The following BMPR1B variants were observed in gnomAD, a reference collection of about 807,000 sequenced individuals.
The protein encoded by BMPR1B is bone morphogenetic protein receptor type-1B.
A neutral mutation model predicts 59.1 loss-of-function variants in BMPR1B; 12 were observed. The ratio of observed to expected loss-of-function variants is 0.20; its 90% CI spans 0.13 to 0.33. The LOEUF is 0.33. Ranked by LOEUF, BMPR1B falls within the 10% of genes least tolerant of loss-of-function variation. BMPR1B has a pLI of 1.00. For missense variants in BMPR1B, 550 were observed against 610.9 expected, an observed-to-expected ratio of 0.90 and a Z score of 1.05; for synonymous variants, 237 against 207.3, an observed-to-expected ratio of 1.14 and a Z score of -1.23.
chr4:95,062,814 G>A (rs923173155), intron 3 of BMPR1B, among the ~76,000 whole-genome samples: 2 of 152,176 alleles, frequency 1.3e-5, no homozygotes, highest in Non-Finnish European at 2.9e-5. Context: ...ACCTTCTTTA[G>A]CAGGTAAAAT....
At chr4:95,055,801 G>A (rs1726884687) in intron 3 of BMPR1B, among the ~76,000 whole-genome samples, 1 of 152,116 alleles carries the variant, frequency 6.6e-6, no homozygotes, top group Non-Finnish European at 1.5e-5. Context: ...GTGTATAAAT[G>A]TCTGTACATA....
At chr4:94,829,623 G>C (rs1724503318) in intron 1 of BMPR1B, among the ~76,000 whole-genome samples, 1 of 152,100 alleles carries the variant, frequency 6.6e-6, no homozygotes, top group East Asian at 1.9e-4. Context: ...GCTAGGTGCT[G>C]GATGCACACC....
chr4:94,847,368 CAG>C (rs1725375028), intron 1 of BMPR1B, among the ~76,000 whole-genome samples: 1 of 152,148 alleles, frequency 6.6e-6, no homozygotes, highest in African/African-American at 2.4e-5. Flanking sequence ...CTATGGAAAA[CAG>C]TGTGAAGATT....
intron 1 of BMPR1B, among the ~76,000 whole-genome samples, chr4:94,849,460 G>A (rs1008755752): frequency 6.6e-6 from 1 of 152,230 alleles, no homozygotes; most frequent in African/African-American, 2.4e-5. Context: ...AGGAAAAAGG[G>A]AGCTGAGAAA....
chr4:94,982,304 T>TAA (rs146497250), intron 2 of BMPR1B, among the ~76,000 whole-genome samples: 21 of 151,124 alleles, frequency 1.4e-4, no homozygotes, highest in South Asian at 4.2e-4. Context: ...TGCCTTTTTT[T>TAA]AAAAAAAAAC....
At chr4:94,853,819 A>G (rs1725653310) in intron 1 of BMPR1B, among the ~76,000 whole-genome samples, 1 of 151,972 alleles carries the variant, frequency 6.6e-6, no homozygotes, top group Non-Finnish European at 1.5e-5. Context: ...ACATTTGGAA[A>G]TTTAAAAAAA....
chr4:94,983,078 T>C (rs1034156138), intron 2 of BMPR1B, among the ~76,000 whole-genome samples: 6 of 152,140 alleles, frequency 3.9e-5, no homozygotes, highest in Non-Finnish European at 7.3e-5. Context: ...CAGTTTCTTC[T>C]GCTTGGAATG....
At position 94,870,822 on chromosome 4, in the gene BMPR1B, G is replaced by C. The variant is rs371322626; in HGVS notation, c.-182-5009G>C. Among the ~76,000 whole-genome samples, 72 of 152,194 alleles carry C rather than the reference G, an allele frequency of 4.7e-4. 1 individual carries two copies. Among genetic ancestry groups the C allele is most frequent in the African/African-American group, 1.7e-3 (69 of 41,536 alleles). Reference sequence around the variant, plus strand: ...AAGATGTTACAAAGAAGGGTACCCTGCCTCAGAGTTTGGAGTTTCCCACAT... The same window carrying C: ...AAGATGTTACAAAGAAGGGTACCCTCCCTCAGAGTTTGGAGTTTCCCACAT... On this transcript the variant is annotated intron_variant, in intron 1 of 12. Transcript: ENST00000515059.
At chr4:94,841,188 A>C (rs1322390523) in intron 1 of BMPR1B, among the ~76,000 whole-genome samples, 1 of 149,624 alleles carries the variant, frequency 6.7e-6, no homozygotes, top group Non-Finnish European at 1.5e-5. Context: ...GGGACATTTA[A>C]GTCTGCAGAG....
intron 1 of BMPR1B, among the ~76,000 whole-genome samples, chr4:94,759,789 T>G (rs1014394735): frequency 6.6e-6 from 1 of 152,232 alleles, no homozygotes; most frequent in Non-Finnish European, 1.5e-5. Context: ...TAGTGAAATA[T>G]GTAAGTTATT....
intron 1 of BMPR1B, among the ~76,000 whole-genome samples, chr4:94,772,758 G>C (rs931224779): frequency 2.6e-5 from 4 of 151,980 alleles, no homozygotes; most frequent in Non-Finnish European, 4.4e-5. Context: ...TAATGATCCA[G>C]CTTATTTTAA....
chr4:94,861,641 A>C (rs1431740688), intron 1 of BMPR1B, among the ~76,000 whole-genome samples: 1 of 152,172 alleles, frequency 6.6e-6, no homozygotes, highest in African/African-American at 2.4e-5. Flanking sequence ...ACCAAACTAG[A>C]TTGCAAACTT....
intron 10 of BMPR1B, among the ~76,000 whole-genome samples, chr4:95,144,829 T>G (rs1194815044): frequency 6.6e-6 from 1 of 152,184 alleles, no homozygotes; most frequent in Non-Finnish European, 1.5e-5. Context: ...ATGCAACACT[T>G]TTGTTTTTAA....
chr4:94,919,042 AG>A (rs1220653712), intron 2 of BMPR1B, among the ~76,000 whole-genome samples: 1 of 152,112 alleles, frequency 6.6e-6, no homozygotes, highest in Non-Finnish European at 1.5e-5. Context: ...CCACAATCCC[AG>A]CTGTTTGCCT....
At chr4:94,970,239 TTCTTCTCTTCTCTTC>T (rs10591546) in intron 2 of BMPR1B, among the ~76,000 whole-genome samples, 5,387 of 127,396 alleles carry the variant, frequency 0.042, 165 homozygotes, top group East Asian at 0.16. Context: ...CTGTTTGTTT[TTCTTCTCTTCTCTTC>T]TCTTCTCTTC....
At chr4:95,147,590 A>G (rs1315494516) in intron 10 of BMPR1B, among the ~76,000 whole-genome samples, 2 of 152,136 alleles carry the variant, frequency 1.3e-5, no homozygotes, top group African/African-American at 2.4e-5. Flanking sequence ...AATTGTTGGG[A>G]ATCAGGAGGT....
intron 2 of BMPR1B, among the ~76,000 whole-genome samples, chr4:94,990,505 A>T (rs749601619): frequency 6.6e-6 from 1 of 152,260 alleles, no homozygotes; most frequent in Non-Finnish European, 1.5e-5. Context: ...ATGAAATACT[A>T]TTCAACAATA....
At chr4:94,841,405 A>G (rs1218864342) in intron 1 of BMPR1B, among the ~76,000 whole-genome samples, 2 of 151,256 alleles carry the variant, frequency 1.3e-5, no homozygotes, top group Non-Finnish European at 3.0e-5. Context: ...TGTGCTAGCA[A>G]TCAGGGAGAC....
chr4:94,902,389 C>G (rs1177339940), intron 2 of BMPR1B, among the ~76,000 whole-genome samples: 1 of 151,100 alleles, frequency 6.6e-6, no homozygotes, highest in Non-Finnish European at 1.5e-5. Flanking sequence ...TCTGTTATAT[C>G]TAGGCATTCA....
Sources: allele counts gnomAD v4.1 joint callset (sites outside exome capture counted in the v4.1 genomes callset), GRCh38; gene constraint gnomAD v4.1.1; transcripts MANE v1.5; gene names NCBI Gene and HGNC (gene_info 2026-07-23, HGNC 2026-07-21).